MVP: variants seen among roughly 807,000 people sequenced by gnomAD.
MVP encodes the protein lung resistance-related protein.
In MVP, 62 loss-of-function variants were observed where a neutral mutation model predicts 83.5. The observed-to-expected ratio is 0.74, with a 90% CI of 0.61 to 0.92. The LOEUF (loss-of-function observed/expected upper bound fraction) is 0.92, where lower values mean the gene tolerates loss of function less well. MVP is among the 40% of genes least tolerant of loss of function. MVP has a pLI of 0.00. For missense variants in MVP, 1,000 were observed against 1,203.4 expected (o/e 0.83, Z 2.50); for synonymous variants, 505 against 504.1 (o/e 1.00, Z -0.02).
In MVP at chr16:29,841,398, G is replaced by GC. The variant is rs2067533270; in HGVS notation, c.1192-195dup. 6.6e-6 allele frequency among the ~76,000 whole-genome samples: 1 copy of GC among 152,170 alleles called. No individual in the cohort carries two copies. Among genetic ancestry groups the GC allele is most frequent in the African/African-American group, 2.4e-5 (1 of 41,446 alleles). ...CCACTTGACACATGAGGAAACTGAA[G>GC]CCCAAGGGGTGAGGTAGTTAGCCCA... On this transcript the variant is annotated intron_variant, in intron 8 of 14. Coordinates refer to ENST00000357402, the MANE Select transcript of MVP (RefSeq NM_005115.5). This position sits in a 1 kb window ranked among gnomAD's most constrained non-coding sequence, Gnocchi z 4.7.
chr16:29,829,706 T>G (rs1470165130), intron 1 of MVP: 1 of 152,168 alleles, frequency 6.6e-6, no homozygotes, highest in Non-Finnish European at 1.5e-5. Context: ...CCCTTCTCCT[T>G]CCTTTCCACC....
At chr16:29,846,330 A>T (rs1428128951) in intron 13 of MVP, 46 bp downstream of exon 13, 1 of 1,526,396 alleles carries the variant, frequency 6.6e-7, no homozygotes, top group Non-Finnish European at 8.8e-7. Flanking sequence ...TGAGTCCTGG[A>T]AAAGGCCCAT....
In MVP at chr16:29,841,483, G is replaced by A. The variant is rs2067533998; in HGVS notation, c.1192-113G>A. On this transcript the variant is annotated intron_variant, in intron 8 of 14. Transcript: ENST00000357402. This position sits in a 1 kb window ranked among gnomAD's most constrained non-coding sequence, Gnocchi z 4.7. ...GGAGCCTGGCCTCCCCGTAGAGAAGGTGTTTAACCTCGTGGCGCGCCTTCC... is the reference window on the plus strand; with the variant it reads ...GGAGCCTGGCCTCCCCGTAGAGAAGATGTTTAACCTCGTGGCGCGCCTTCC... 7.3e-7 allele frequency: 1 copy of A among 1,361,646 alleles called. No homozygotes were observed. Among genetic ancestry groups the A allele is most frequent in the Non-Finnish European group, 9.8e-7 (1 of 1,016,962 alleles). 84.3% of individuals were successfully genotyped at this position (1,361,646 alleles called of 1,614,324 possible).
chr16:29,847,281 G>T lies in MVP; in HGVS notation c.2350G>T (p.Ala784Ser), dbSNP rs200956879. 3.1e-6 allele frequency: 5 copies of T among 1,613,334 alleles called. No individual in the cohort carries two copies. The highest frequency in any genetic ancestry group is 4.2e-6 in the Non-Finnish European group (5 of 1,179,894). The change falls in exon 14 of 15, where the codon GCT becomes TCT. Residue 784 changes from alanine (A) to serine (S), a missense_variant. By Grantham distance (99) the Ala-to-Ser change is moderately conservative. Transcript: ENST00000357402. ...RAQLELEVSK[A>S]QQLAEVEVKK... ...CCAGCTGGAGCTGGAGGTGAGCAAG[G>T]CTCAGCAGCTGGCTGAGGTGGAGGT...
At chr16:29,829,904 A>G (rs4788186) in intron 1 of MVP, 99,928 of 152,408 alleles carry the variant, frequency 0.66, 35,265 homozygotes, top group African/African-American at 0.92. Flanking sequence ...GGAAAGAGGC[A>G]GGGAACATAG....
At chr16:29,847,515 A>C (rs1255965059) in intron 14 of MVP, 130 bp downstream of exon 14, 8 of 950,070 alleles carry the variant, frequency 8.4e-6, no homozygotes, top group Non-Finnish European at 1.2e-5. Context: ...CCCACGATGC[A>C]GGGACATTCA....
chr16:29,833,384 C>T (rs1161393751), intron 3 of MVP: 4 of 251,116 alleles, frequency 1.6e-5, no homozygotes, highest in African/African-American at 6.9e-5. Flanking sequence ...GAAGCCTTAA[C>T]CTCCTGGGCT....
intron 3 of MVP, among the ~76,000 whole-genome samples, chr16:29,832,910 C>A (rs1429694327): frequency 1.3e-5 from 2 of 151,866 alleles, no homozygotes; most frequent in Admixed American, 6.6e-5. Flanking sequence ...ACTAAACATA[C>A]AACAATTAGC....
At chr16:29,824,400 C>T (rs2067391053) in intron 1 of MVP, among the ~76,000 whole-genome samples, 3 of 152,144 alleles carry the variant, frequency 2.0e-5, no homozygotes, top group South Asian at 2.1e-4. Context: ...TGCTATCAAG[C>T]CTCCAGGTGG....
Position 29,830,393 on chromosome 16 carries a change from G to A in MVP, c.-35-122G>A, listed in dbSNP as rs570426104. ...TGGGCATGCAGATGCGGACAGGGAA[G>A]GGTGCAGTGGCCTGGCTGGAGGAGG... On this transcript the variant is annotated intron_variant, in intron 1 of 14. Transcript: ENST00000357402. 1.1e-3 allele frequency: 841 copies of A among 755,522 alleles called. 1 individual carries two copies. The highest frequency in any genetic ancestry group is 1.5e-3 in the Non-Finnish European group (718 of 465,408). 46.8% of individuals were successfully genotyped at this position (755,522 alleles called of 1,614,324 possible).
intron 1 of MVP, 73 bp from the exon 2 acceptor site, chr16:29,830,442 C>A: frequency 7.4e-7 from 1 of 1,344,272 alleles, no homozygotes; most frequent in Non-Finnish European, 1.0e-6. Flanking sequence ...CACCCAGAGT[C>A]TGTCACCAGA....
rs1210857529 is a variant in MVP at position 29,836,704 on chromosome 16, C to T, written c.673-18C>T. On this transcript the variant is annotated intron_variant, in intron 6 of 14. Coordinates refer to ENST00000357402, the MANE Select transcript of MVP (RefSeq NM_005115.5). ...GTTGGAGGCAGGTCACTCAAATACC[C>T]AACATGTTGCTCTGCAGACAGCCCT... The T allele has an allele frequency of 1.3e-6, 2 of 1,536,154 alleles. No individual in the cohort carries two copies. Among genetic ancestry groups the T allele is most frequent in the East Asian group, 4.6e-5 (2 of 43,284 alleles).
intron 1 of MVP, among the ~76,000 whole-genome samples, chr16:29,822,960 C>T (rs181328791): frequency 5.3e-5 from 8 of 152,086 alleles, no homozygotes; most frequent in African/African-American, 9.6e-5. Flanking sequence ...TCAGGCAATC[C>T]GCCTGCCTTG....
At chr16:29,823,060 C>T (rs1311224280) in intron 1 of MVP, among the ~76,000 whole-genome samples, 2 of 151,660 alleles carry the variant, frequency 1.3e-5, no homozygotes, top group African/African-American at 4.8e-5. Flanking sequence ...ACCAGAGACC[C>T]TCCAGTCTCT....
At chr16:29,835,629 T>G (rs756857039) in intron 5 of MVP, 75 bp from the exon 6 acceptor site, 6 of 1,240,104 alleles carry the variant, frequency 4.8e-6, no homozygotes, top group Non-Finnish European at 7.0e-6. Context: ...ATCCCCTGTG[T>G]CTAAGCTGTG....
At chr16:29,839,494 C>T (rs757342664) in intron 7 of MVP, among the ~76,000 whole-genome samples, 19 of 151,880 alleles carry the variant, frequency 1.3e-4, no homozygotes, top group Admixed American at 3.3e-4. Context: ...TTTTAAGAAA[C>T]AGGCGGTGCT....
At position 29,841,012 on chromosome 16, in the gene MVP, G is replaced by T. The variant is rs2067530323; in HGVS notation, c.1191+553G>T. The stretch of plus-strand genomic sequence containing the variant: ...AGGGACCCTTTCCCACAGCAGACCT[G>T]GTTTCCAGCATAAAGGTCTGATGGG... On this transcript the variant is annotated intron_variant, in intron 8 of 14. Coordinates refer to ENST00000357402, the MANE Select transcript of MVP (RefSeq NM_005115.5). This position sits in a 1 kb window ranked among gnomAD's most constrained non-coding sequence, Gnocchi z 4.7. Among the ~76,000 whole-genome samples the T allele has an allele frequency of 6.6e-6, 1 of 152,010 alleles. No homozygotes were observed. The highest frequency in any genetic ancestry group is 1.5e-5 in the Non-Finnish European group (1 of 68,008).
chr16:29,842,200 G>A, intron 10 of MVP, 88 bp downstream of exon 10: 1 of 1,368,004 alleles, frequency 7.3e-7, no homozygotes, highest in Non-Finnish European at 1.0e-6. Flanking sequence ...GAGCCTAGGA[G>A]GTCCAGGCTG....
At chr16:29,821,842 G>C (rs192300272) in intron 1 of MVP, among the ~76,000 whole-genome samples, 209 of 152,330 alleles carry the variant, frequency 1.4e-3, no homozygotes, top group Non-Finnish European at 2.2e-3. Context: ...CGTTTGCCTA[G>C]AACACAGGGT....
Sources: gnomAD v4.1 joint callset for allele counts (sites outside exome capture counted in the v4.1 genomes callset) on GRCh38, gnomAD v4.1.1 for gene constraint, Gnocchi (gnomAD v3.1) non-coding constraint, MANE v1.5 for transcripts, NCBI Gene and HGNC (gene_info 2026-07-23, HGNC 2026-07-21) for gene names.